Variants in TNFAIP8 observed in about 807,000 individuals in gnomAD.
The protein encoded by TNFAIP8 is TNF alpha induced protein 8.
In TNFAIP8, 7 loss-of-function variants were observed where a neutral mutation model predicts 13.3. That is an observed-to-expected ratio of 0.52 (90% confidence interval 0.30 to 0.99). The LOEUF (loss-of-function observed/expected upper bound fraction) is 0.99. Ranked by LOEUF, TNFAIP8 falls within the 50% of genes least tolerant of loss-of-function variation. TNFAIP8 has a pLI of 0.07. For missense variants in TNFAIP8, 258 were observed against 236.9 expected, an observed-to-expected ratio of 1.09 and a Z score of -0.58; for synonymous variants, 94 against 87.6, an observed-to-expected ratio of 1.07 and a Z score of -0.41.
Position 119,386,978 on chromosome 5 carries a change from C to T in TNFAIP8, c.32-5838C>T, listed in dbSNP as rs62375121. Among the ~76,000 whole-genome samples the T allele has an allele frequency of 9.8e-4, 133 of 135,488 alleles. 2 individuals carry two copies. The highest frequency in any genetic ancestry group is 3.8e-3 in the Middle Eastern group (1 of 260). 88.9% of individuals were successfully genotyped at this position (135,488 alleles called of 152,430 possible). A position where few individuals can be genotyped will look rare whatever the true frequency, so the allele number is the denominator to read the frequency against. ...CTGGGTCTCCCTCCCTCCCTCCCTC[C>T]CTCTCTTTCCTTCCTTCCTTCCTTC... On this transcript the variant is annotated intron_variant, in intron 1 of 1. Transcript: ENST00000504771.
upstream of TNFAIP8, chr5:119,355,133 A>T: frequency 1.7e-6 from 1 of 584,168 alleles, no homozygotes; most frequent in Non-Finnish European, 3.1e-6. Context: ...ACCCGGGGGC[A>T]GAATTGAGAT....
intron 1 of TNFAIP8, among the ~76,000 whole-genome samples, chr5:119,381,009 A>C (rs1752463302): frequency 6.6e-6 from 1 of 152,208 alleles, no homozygotes; most frequent in African/African-American, 2.4e-5. Flanking sequence ...TAAGTATGGC[A>C]TTCTAGGAGT....
Position 119,393,148 on chromosome 5 carries a change from A to T in TNFAIP8, c.364A>T (p.Thr122Ser), listed in dbSNP as rs1449734804. ...TVVSFHQVDY[T>S]FDRNVLSRLL... ...GGTCAGTTTCCATCAGGTGGATTAT[A>T]CCTTTGACCGGAATGTGTTATCCAG... The change falls in exon 2 of 2, where the codon ACC becomes TCC. Residue 122 changes from threonine (T) to serine (S), a missense_variant. Physicochemically the swap from Thr to Ser is moderately conservative, Grantham distance 58 (BLOSUM62 1). Transcript: ENST00000504771. The T allele has an allele frequency of 6.2e-7, 1 of 1,614,004 alleles. No homozygotes were observed. The highest frequency in any genetic ancestry group is 1.7e-5 in the Admixed American group (1 of 60,022).
At chr5:119,360,881 T>C (rs1019197679) in intron 1 of TNFAIP8, among the ~76,000 whole-genome samples, 4 of 152,222 alleles carry the variant, frequency 2.6e-5, no homozygotes, top group African/African-American at 9.6e-5. Context: ...TGAGACATTG[T>C]GAAATAAAAT....
intron 1 of TNFAIP8, among the ~76,000 whole-genome samples, chr5:119,386,809 C>T (rs1448559285): frequency 6.6e-6 from 1 of 152,196 alleles, no homozygotes; most frequent in African/African-American, 2.4e-5. Context: ...ATCTGTGTGG[C>T]ATAAGGCCAA....
chr5:119,350,045 T>C (rs1431572653), intron 1 of TNFAIP8, among the ~76,000 whole-genome samples: 1 of 152,322 alleles, frequency 6.6e-6, no homozygotes, highest in East Asian at 1.9e-4. Flanking sequence ...TAATTACATA[T>C]CTGTAAAATG....
At chr5:119,311,248 C>A (rs1002948780) in intron 1 of TNFAIP8, among the ~76,000 whole-genome samples, 1 of 152,046 alleles carries the variant, frequency 6.6e-6, no homozygotes, top group Non-Finnish European at 1.5e-5. Context: ...GGTCTTGAAC[C>A]CTTGGGCTCA....
At chr5:119,291,933 C>A (rs1291361625) in intron 1 of TNFAIP8, among the ~76,000 whole-genome samples, 2 of 152,140 alleles carry the variant, frequency 1.3e-5, no homozygotes, top group East Asian at 3.8e-4. Context: ...TAACCCTGAC[C>A]CATACAGGAC....
At chr5:119,296,513 T>G (rs200134244) in intron 1 of TNFAIP8, among the ~76,000 whole-genome samples, 1 of 152,154 alleles carries the variant, frequency 6.6e-6, no homozygotes, top group African/African-American at 2.4e-5. Flanking sequence ...TGATGTGCTG[T>G]TGGATTTGGT....
Position 119,393,351 on chromosome 5 carries a change from C to T in TNFAIP8, c.567C>T (p.Ile189=). The part of the protein sequence containing the change: ...KPHLQKLCDG[I]NKMLDEENI The stretch of plus-strand genomic sequence containing the variant: ...ACTTACAAAAACTATGTGATGGTAT[C>T]AACAAAATGTTGGATGAAGAGAACA... The change falls in exon 2 of 2, where the codon ATC becomes ATT. Residue 189 remains isoleucine, a synonymous_variant. Coordinates refer to ENST00000504771, the MANE Select transcript of TNFAIP8 (RefSeq NM_014350.4). The T allele has an allele frequency of 6.2e-7, 1 of 1,613,526 alleles. No individual in the cohort carries two copies. Among genetic ancestry groups the T allele is most frequent in the Non-Finnish European group, 8.5e-7 (1 of 1,179,658 alleles).
rs373587689 is a variant in TNFAIP8 at position 119,366,035 on chromosome 5, G to T, written c.31+9914G>T. Among the ~76,000 whole-genome samples the T allele has an allele frequency of 1.3e-4, 20 of 152,172 alleles. No homozygotes were observed. The East Asian group carries it at 3.1e-3, about 24-fold the overall frequency. ...AGCAGTTGGGAGCGATGGGGAGTAG[G>T]AGGGTGTGAGAGCAACAGGGTGGGT... On this transcript the variant is annotated intron_variant, in intron 1 of 1. Coordinates refer to ENST00000504771, the MANE Select transcript of TNFAIP8 (RefSeq NM_014350.4).
At chr5:119,287,207 C>A (rs150103833) in intron 1 of TNFAIP8, among the ~76,000 whole-genome samples, 8 of 150,898 alleles carry the variant, frequency 5.3e-5, no homozygotes, top group Non-Finnish European at 1.2e-4. Context: ...TTGATTCTAT[C>A]ACTTACAGCA....
chr5:119,316,597 C>G (rs988481649), intron 1 of TNFAIP8, among the ~76,000 whole-genome samples: 2 of 152,152 alleles, frequency 1.3e-5, no homozygotes, highest in Non-Finnish European at 2.9e-5. Context: ...TTGATAAACT[C>G]TAAGGCAGAG....
chr5:119,278,788 AAAT>A (rs1247311898), intron 1 of TNFAIP8, among the ~76,000 whole-genome samples: 1 of 152,216 alleles, frequency 6.6e-6, no homozygotes, highest in Non-Finnish European at 1.5e-5. Flanking sequence ...GGAGAAAACC[AAAT>A]AATAATATGG....
chr5:119,362,267 A>G (rs1000575920), intron 1 of TNFAIP8, among the ~76,000 whole-genome samples: 4 of 152,200 alleles, frequency 2.6e-5, no homozygotes, highest in Non-Finnish European at 4.4e-5. Context: ...TGCTGGGATC[A>G]GGAAGAATGT....
At chr5:119,331,533 C>T (rs1750379896) in intron 1 of TNFAIP8, among the ~76,000 whole-genome samples, 1 of 152,162 alleles carries the variant, frequency 6.6e-6, no homozygotes. Context: ...CTCTCCAAAA[C>T]CAGGAGTTTC....
intron 1 of TNFAIP8, among the ~76,000 whole-genome samples, chr5:119,386,899 C>T (rs1752696454): frequency 6.6e-6 from 1 of 152,174 alleles, no homozygotes; most frequent in South Asian, 2.1e-4. Flanking sequence ...ATGGTCGTTG[C>T]TTCTGACCCT....
chr5:119,386,490 C>G (rs1562034117), intron 1 of TNFAIP8, among the ~76,000 whole-genome samples: 1 of 151,712 alleles, frequency 6.6e-6, no homozygotes, highest in South Asian at 2.1e-4. Context: ...TAGACAATTC[C>G]TAATACTCCC....
At chr5:119,304,082 T>C (rs537323403) in intron 1 of TNFAIP8, among the ~76,000 whole-genome samples, 1 of 152,272 alleles carries the variant, frequency 6.6e-6, no homozygotes, top group South Asian at 2.1e-4. Context: ...TGAAATTCTT[T>C]CTGATTTTCT....
Sources: allele counts gnomAD v4.1 joint callset (sites outside exome capture counted in the v4.1 genomes callset), GRCh38; gene constraint gnomAD v4.1.1; transcripts MANE v1.5; gene names NCBI Gene and HGNC (gene_info 2026-07-23, HGNC 2026-07-21).